Variants in AP3B2 observed in about 807,000 individuals in gnomAD.
AP3B2 encodes AP-3 complex subunit beta-2.
A neutral mutation model predicts 126.9 loss-of-function variants in AP3B2; 50 were observed. That is an observed-to-expected ratio of 0.39 (90% confidence interval 0.31 to 0.50). The LOEUF (loss-of-function observed/expected upper bound fraction) is 0.50, where lower values mean the gene tolerates loss of function less well. Among genes scored for constraint, AP3B2 ranks in the 20% least tolerant of loss-of-function variants. The pLI is 0.79. For missense variants in AP3B2, 1,177 were observed against 1,426.4 expected (o/e 0.83, Z 2.82); for synonymous variants, 541 against 565.0 (o/e 0.96, Z 0.60).
chr15:82,662,251 C>G lies in AP3B2; in HGVS notation c.2835G>C (p.Glu945Asp), dbSNP rs1267461332. 4 of 1,594,376 alleles carry G rather than the reference C, an allele frequency of 2.5e-6. No homozygotes were observed. Among genetic ancestry groups the G allele is most frequent in the East Asian group, 2.3e-5 (1 of 44,304 alleles). The part of the protein sequence containing the change: ...GISIQEFPEI[E>D]SLAPGESATA... Reference sequence around the variant, plus strand: ...TGGCAGATTCTCCAGGTGCCAGGGACTCTGAAGTGGTATAAGGCAGTGAAG... The same window carrying G: ...TGGCAGATTCTCCAGGTGCCAGGGAGTCTGAAGTGGTATAAGGCAGTGAAG... Residue 945 changes from glutamate to aspartate, a missense_variant and splice_region_variant, in exon 24 of 27, where the codon GAG becomes GAC. Physicochemically the swap from Glu to Asp is conservative, Grantham distance 45. Around this residue, in one of 5 missense-constraint regions of AP3B2, gnomAD observed 587 missense variants for 571.3 expected, o/e 1.03. Coordinates refer to ENST00000535359, the MANE Select transcript of AP3B2 (RefSeq NM_001278512.2).
chr15:82,704,367 A>T (rs886886056), intron 1 of AP3B2, among the ~76,000 whole-genome samples: 1 of 152,190 alleles, frequency 6.6e-6, no homozygotes, highest in Non-Finnish European at 1.5e-5. Flanking sequence ...ACAATAATAG[A>T]GTAAAGGCAG....
chr15:82,695,250 C>A (rs562294780), intron 1 of AP3B2, among the ~76,000 whole-genome samples: 1 of 152,112 alleles, frequency 6.6e-6, no homozygotes, highest in African/African-American at 2.4e-5. Flanking sequence ...CAGTTGCCCA[C>A]CACCACACCT....
intron 1 of AP3B2, 181 bp from the exon 2 acceptor site, chr15:82,689,634 T>G (rs911081981): frequency 9.9e-6 from 6 of 608,004 alleles, no homozygotes; most frequent in Admixed American, 5.8e-5. Context: ...TGTGGCCAGC[T>G]AATATTGTGG....
Position 82,664,780 on chromosome 15 carries a change from G to C in AP3B2, c.2137+55C>G. On this transcript the variant is annotated intron_variant, in intron 18 of 26. Coordinates refer to ENST00000535359, the MANE Select transcript of AP3B2 (RefSeq NM_001278512.2). The surrounding 1 kb of genome is among the most constrained non-coding windows in gnomAD (Gnocchi z 4.5). ...TATACATATACCCCTCATATAGTCA[G>C]TCACACAGATGCATGGGCAGAGCAC... The C allele has an allele frequency of 7.3e-7, 1 of 1,360,890 alleles. No individual in the cohort carries two copies. Among genetic ancestry groups the C allele is most frequent in the Non-Finnish European group, 1.0e-6 (1 of 976,064 alleles). 84.3% of individuals were successfully genotyped at this position (1,360,890 alleles called of 1,614,324 possible). A position where few individuals can be genotyped will look rare whatever the true frequency, so the allele number is the denominator to read the frequency against.
At chr15:82,703,434 G>A (rs985174497) in intron 1 of AP3B2, among the ~76,000 whole-genome samples, 2 of 151,560 alleles carry the variant, frequency 1.3e-5, no homozygotes, top group African/African-American at 4.9e-5. Context: ...TTTTCTCTGG[G>A]CTTGCCTCCT....
chr15:82,660,097 G>A, intron 25 of AP3B2, 114 bp from the exon 26 acceptor site: 1 of 1,315,836 alleles, frequency 7.6e-7, no homozygotes, highest in East Asian at 2.3e-5. Flanking sequence ...CATGCAAAGG[G>A]CAGGTCAGAA....
Position 82,680,981 on chromosome 15 carries a change from G to T in AP3B2, c.627C>A (p.Val209=), listed in dbSNP as rs766315390. The change falls in exon 7 of 27, where the codon GTC becomes GTA. Residue 209 remains valine, a synonymous_variant. Coordinates refer to ENST00000535359, the MANE Select transcript of AP3B2 (RefSeq NM_001278512.2). The surrounding 1 kb of genome is among the most constrained non-coding windows in gnomAD (Gnocchi z 6.1). ...GAATCAGGTCGATGCGCTCCGGGCA[G>T]ACCTCCTCAAAGGCCATCACCACAC... The part of the protein sequence containing the change: ...AGSVVMAFEE[V]CPERIDLIHK... 6.2e-7 allele frequency: 1 copy of T among 1,613,814 alleles called. No homozygotes were observed. The highest frequency in any genetic ancestry group is 1.3e-5 in the African/African-American group (1 of 74,924).
In AP3B2 at chr15:82,680,778, C is replaced by T. The variant is rs201087604; in HGVS notation, c.772-23G>A. 1.0e-3 allele frequency: 1,598 copies of T among 1,602,600 alleles called. 6 individuals are homozygous for T. The highest frequency in any genetic ancestry group is 7.0e-4 in the Non-Finnish European group (825 of 1,174,692). On this transcript the variant is annotated intron_variant, in intron 7 of 26. Transcript: ENST00000535359. This position sits in a 1 kb window ranked among gnomAD's most constrained non-coding sequence, Gnocchi z 6.1. Reference sequence around the variant, plus strand: ...TTCCTGGACGGGGAGACCGACGGGTCTGTGGGCGCCTCCCCGGGACACACT... The same window carrying T: ...TTCCTGGACGGGGAGACCGACGGGTTTGTGGGCGCCTCCCCGGGACACACT...
In AP3B2 at chr15:82,689,394, A is replaced by C. The variant is rs1481805476; in HGVS notation, c.173T>G (p.Met58Arg). 1 of 1,613,798 alleles carries C rather than the reference A, an allele frequency of 6.2e-7. No individual in the cohort carries two copies. Among genetic ancestry groups the C allele is most frequent in the Non-Finnish European group, 8.5e-7 (1 of 1,179,890 alleles). Residue 58 changes from methionine (M) to arginine (R), a missense_variant, in exon 2 of 27, where the codon ATG (methionine) becomes AGG (arginine). Transcript: ENST00000535359. ...CCCTCTTACCGCCACAATCCTCTTC[A>C]TGGCCTCCAGCTTGAGAGAATCCTT... is the stretch of plus-strand genomic sequence containing the variant. ...TNKDSLKLEA[M>R]KRIVAMIARG...
intron 1 of AP3B2, chr15:82,689,723 T>TA (rs2048491862): frequency 2.2e-6 from 1 of 461,484 alleles, no homozygotes; most frequent in South Asian, 2.5e-5. Context: ...TATTTGGAAA[T>TA]AGAGTTGTTG....
chr15:82,679,646 CA>C (rs944434606), intron 10 of AP3B2, 82 bp downstream of exon 10: 27 of 1,314,166 alleles, frequency 2.1e-5, no homozygotes, highest in African/African-American at 1.0e-4. Flanking sequence ...AGGCAGGCAC[CA>C]GGGGGGCCAC....
At position 82,677,680 on chromosome 15, in the gene AP3B2, T is replaced by G; in HGVS notation, c.1369A>C (p.Asn457His). Residue 457 changes from asparagine to histidine, a missense_variant, in exon 12 of 27, where the codon AAC becomes CAC. Physicochemically the swap from Asn to His is moderately conservative, Grantham distance 68. Transcript: ENST00000535359. ...TCAGGGAAACACTGACCATCACGGT[T>G]GGACAGCAGCTGCACCAGGCCATTG... is the stretch of plus-strand genomic sequence containing the variant. ...CLNGLVQLLS[N>H]RDELVVAESV... 1 of 1,559,548 alleles carries G rather than the reference T, an allele frequency of 6.4e-7. No homozygotes were observed. The highest frequency in any genetic ancestry group is 8.7e-7 in the Non-Finnish European group (1 of 1,152,008).
At chr15:82,688,622 G>GT (rs2048471808) in intron 4 of AP3B2, 114 bp downstream of exon 4, 1 of 970,938 alleles carries the variant, frequency 1.0e-6, no homozygotes, top group Non-Finnish European at 1.6e-6. Context: ...TTTTAGGCAG[G>GT]TAGGAAGGGG....
chr15:82,699,751 T>G (rs2048688921), intron 1 of AP3B2: 1 of 399,454 alleles, frequency 2.5e-6, no homozygotes, highest in Non-Finnish European at 4.4e-6. Flanking sequence ...CTCCAAGGCC[T>G]GGTACCGGAG....
At chr15:82,679,038 A>AT (rs1487955777) in intron 10 of AP3B2, among the ~76,000 whole-genome samples, 1 of 152,244 alleles carries the variant, frequency 6.6e-6, no homozygotes, top group African/African-American at 2.4e-5. Context: ...TGTGGGGGCC[A>AT]TAACACTGTG....
chr15:82,660,553 C>A (rs895270364), intron 25 of AP3B2, among the ~76,000 whole-genome samples: 4 of 152,146 alleles, frequency 2.6e-5, no homozygotes, highest in Admixed American at 1.3e-4. Context: ...CCCCAGAACT[C>A]CTCATTCTGC....
At chr15:82,700,442 A>G (rs1259845860) in intron 1 of AP3B2, among the ~76,000 whole-genome samples, 1 of 102,302 alleles carries the variant, frequency 9.8e-6, no homozygotes, top group Non-Finnish European at 1.8e-5. Flanking sequence ...CTTATTGCCC[A>G]GGCTGGAGTG....
chr15:82,665,118 C>A lies in AP3B2; in HGVS notation c.2028+129G>T. 8.8e-7 allele frequency: 1 copy of A among 1,136,452 alleles called. No individual in the cohort carries two copies. Among genetic ancestry groups the A allele is most frequent in the Admixed American group, 2.0e-5 (1 of 49,030 alleles). 70.4% of individuals were successfully genotyped at this position (1,136,452 alleles called of 1,614,324 possible). On this transcript the variant is annotated intron_variant, in intron 17 of 26. Transcript: ENST00000535359. The surrounding 1 kb of genome is among the most constrained non-coding windows in gnomAD (Gnocchi z 4.4). ...TGTCCATGGAGGGGAGGGAATGCTG[C>A]TCACAGAGGAGCACTGCCAAACCAA...
chr15:82,691,584 G>A (rs1434081695), intron 1 of AP3B2: 2 of 586,816 alleles, frequency 3.4e-6, no homozygotes, highest in Admixed American at 8.5e-5. Context: ...TAGAAAGTAT[G>A]TAGTTTTTTT....
Sources: allele counts gnomAD v4.1 joint callset (sites outside exome capture counted in the v4.1 genomes callset), GRCh38; gene constraint gnomAD v4.1.1; regional missense constraint gnomAD v4.1.1; non-coding constraint Gnocchi (gnomAD v3.1); transcripts MANE v1.5; gene names NCBI Gene and HGNC (gene_info 2026-07-23, HGNC 2026-07-21).